The following ADGRL3 variants were observed in gnomAD, a reference collection of about 807,000 sequenced individuals.
The protein encoded by ADGRL3 is adhesion G protein-coupled receptor L3, also known as calcium-independent alpha-latrotoxin receptor 3.
In ADGRL3, 62 loss-of-function variants were observed where a neutral mutation model predicts 153.5. The observed-to-expected ratio is 0.40, with a 90% CI of 0.33 to 0.50. The LOEUF is 0.50. Among genes scored for constraint, ADGRL3 ranks in the 20% least tolerant of loss-of-function variants. ADGRL3 has a pLI of 0.47. For missense variants in ADGRL3, 1,641 were observed against 1,859.4 expected (o/e 0.88, Z 2.16); for synonymous variants, 710 against 672.5 (o/e 1.06, Z -0.86).
intron 2 of ADGRL3, among the ~76,000 whole-genome samples, chr4:61,423,451 C>T (rs536837301): frequency 3.3e-5 from 5 of 152,330 alleles, no homozygotes; most frequent in Admixed American, 2.0e-4. Context: ...AGGAGTTTAA[C>T]TTCAGAGCTA....
chr4:61,983,288 A>T, intron 18 of ADGRL3, 95 bp from the exon 19 acceptor site: 1 of 850,974 alleles, frequency 1.2e-6, no homozygotes, highest in South Asian at 1.7e-5. Flanking sequence ...ATCTATTGTA[A>T]TGCAGTTTTG....
At chr4:61,356,220 G>C (rs1194314240) in intron 1 of ADGRL3, among the ~76,000 whole-genome samples, 1 of 151,846 alleles carries the variant, frequency 6.6e-6, no homozygotes. Flanking sequence ...ATTCTCATTG[G>C]TGTCTAGGTA....
At chr4:61,711,059 G>A (rs1391086234) in intron 6 of ADGRL3, among the ~76,000 whole-genome samples, 2 of 152,070 alleles carry the variant, frequency 1.3e-5, no homozygotes, top group African/African-American at 2.4e-5. Context: ...ATGTAGTTGT[G>A]GGGGCTATGT....
At chr4:61,493,940 T>C (rs913941642) in intron 2 of ADGRL3, among the ~76,000 whole-genome samples, 3 of 152,214 alleles carry the variant, frequency 2.0e-5, no homozygotes, top group African/African-American at 7.2e-5. Context: ...CATGGAACAA[T>C]GTTATCTGCT....
At chr4:61,917,915 C>G (rs1461572706) in intron 13 of ADGRL3, among the ~76,000 whole-genome samples, 1 of 152,088 alleles carries the variant, frequency 6.6e-6, no homozygotes. Context: ...GTTCAAGGCC[C>G]AGATTCTGAT....
At chr4:61,725,157 C>G (rs916285960) in intron 6 of ADGRL3, among the ~76,000 whole-genome samples, 2 of 152,142 alleles carry the variant, frequency 1.3e-5, no homozygotes, top group African/African-American at 4.8e-5. Context: ...GAATTTTTAT[C>G]TTATTGAACA....
chr4:61,315,573 T>C (rs2095177860), intron 1 of ADGRL3, among the ~76,000 whole-genome samples: 1 of 152,106 alleles, frequency 6.6e-6, no homozygotes, highest in South Asian at 2.1e-4. Context: ...AAGGAGGGGC[T>C]GGAAAGGCAA....
At chr4:61,851,472 C>T (rs2098201961) in intron 9 of ADGRL3, among the ~76,000 whole-genome samples, 1 of 151,298 alleles carries the variant, frequency 6.6e-6, no homozygotes, top group South Asian at 2.1e-4. Flanking sequence ...ACCTATAGTC[C>T]CAGCTACTTG....
intron 1 of ADGRL3, among the ~76,000 whole-genome samples, chr4:61,299,265 TATAC>T (rs2094507667): frequency 6.6e-6 from 1 of 152,140 alleles, no homozygotes; most frequent in Admixed American, 6.6e-5. Flanking sequence ...AATATTAATT[TATAC>T]AGCATCATAG....
At chr4:61,776,831 C>A (rs112990018) in intron 8 of ADGRL3, among the ~76,000 whole-genome samples, 406 of 152,232 alleles carry the variant, frequency 2.7e-3, no homozygotes, top group Middle Eastern at 0.01. Context: ...AATGCATCAA[C>A]AAGAGTCTTC....
intron 1 of ADGRL3, among the ~76,000 whole-genome samples, chr4:61,236,812 A>G (rs1184423381): frequency 1.3e-5 from 2 of 152,104 alleles, no homozygotes; most frequent in African/African-American, 2.4e-5. Context: ...AATTAGAGCT[A>G]AGTTTTCTCC....
chr4:61,419,253 G>T (rs1019562027), intron 2 of ADGRL3, among the ~76,000 whole-genome samples: 4 of 150,758 alleles, frequency 2.7e-5, no homozygotes, highest in African/African-American at 9.8e-5. Context: ...GTATATTTCT[G>T]ATCACAAAAA....
chr4:61,473,600 T>C (rs1235100115), intron 2 of ADGRL3, among the ~76,000 whole-genome samples: 1 of 151,802 alleles, frequency 6.6e-6, no homozygotes, highest in Non-Finnish European at 1.5e-5. Flanking sequence ...GTACAAGAAA[T>C]AAATGAGGAG....
intron 8 of ADGRL3, among the ~76,000 whole-genome samples, chr4:61,774,689 T>C (rs1183250559): frequency 6.6e-6 from 1 of 152,166 alleles, no homozygotes; most frequent in Admixed American, 6.5e-5. Flanking sequence ...AAAGAGAGAC[T>C]GTATTCATAT....
intron 9 of ADGRL3, among the ~76,000 whole-genome samples, chr4:61,861,591 A>T (rs2098340817): frequency 6.6e-6 from 1 of 152,070 alleles, no homozygotes; most frequent in Non-Finnish European, 1.5e-5. Flanking sequence ...ATAAACTATC[A>T]TTTTATACTG....
chr4:61,976,413 C>A (rs2150752038), intron 17 of ADGRL3, among the ~76,000 whole-genome samples: 1 of 152,228 alleles, frequency 6.6e-6, no homozygotes, highest in Admixed American at 6.5e-5. Context: ...TATTTACATT[C>A]AATGTCCACT....
At chr4:61,750,658 C>T (rs1181992130) in intron 8 of ADGRL3, among the ~76,000 whole-genome samples, 1 of 151,210 alleles carries the variant, frequency 6.6e-6, no homozygotes, top group African/African-American at 2.4e-5. Flanking sequence ...GGCGTAGTGG[C>T]GGGCGCCTGT....
chr4:61,831,080 G>A (rs2097862682), intron 9 of ADGRL3, among the ~76,000 whole-genome samples: 1 of 151,392 alleles, frequency 6.6e-6, no homozygotes, highest in Non-Finnish European at 1.5e-5. Context: ...GTAGAGACAG[G>A]ATTTCACCGT....
rs973970438 is a variant in ADGRL3, at chr4:62,074,118, G to GACTC, written c.*3212_*3215dup. The GACTC allele has an allele frequency of 1.5e-4, 22 of 150,922 alleles. No individual in the cohort carries two copies. The highest frequency in any genetic ancestry group is 6.6e-4 in the Admixed American group (10 of 15,138). 9.3% of individuals were successfully genotyped at this position (150,922 alleles called of 1,614,324 possible). A position where few individuals can be genotyped will look rare whatever the true frequency, so the allele number is the denominator to read the frequency against. On this transcript the variant is annotated 3_prime_UTR_variant, in exon 27 of 27. Transcript: ENST00000683033. ...TGTTCTTTTTTCTACCACCTTTTGT[G>GACTC]ACTCAATTTTTTAAGATCCTGAGAC...
Sources: gnomAD v4.1 joint callset for allele counts (sites outside exome capture counted in the v4.1 genomes callset) on GRCh38, gnomAD v4.1.1 for gene constraint, MANE v1.5 for transcripts, NCBI Gene and HGNC (gene_info 2026-07-23, HGNC 2026-07-21) for gene names.